AGMO: variants seen among roughly 807,000 people sequenced by gnomAD.
AGMO encodes alkylglycerol monooxygenase.
AGMO carries 75 observed loss-of-function variants against 60.2 expected under a neutral mutation model. The ratio of observed to expected loss-of-function variants is 1.25; its 90% confidence interval spans 1.03 to 1.51. AGMO has a LOEUF of 1.51. Among genes scored for constraint, AGMO ranks in the 40% most tolerant of loss-of-function variants. The pLI is 0.00. For missense variants in AGMO, 763 were observed against 525.5 expected (o/e 1.45, Z -4.42); for synonymous variants, 261 against 177.1 (o/e 1.47, Z -3.76).
In AGMO at chr7:15,357,954, A is replaced by C. The variant is rs573286666; in HGVS notation, c.1263+7560T>G. On this transcript the variant is annotated intron_variant, in intron 12 of 12. Transcript: ENST00000342526. Reference sequence around the variant, plus strand: ...CCAAATAAACACATATATACATACCAAAGAAAAGAAAGGAAGAGAAAAAAA... The same window carrying C: ...CCAAATAAACACATATATACATACCCAAGAAAAGAAAGGAAGAGAAAAAAA... Among the ~76,000 whole-genome samples, 8 of 152,336 alleles carry C rather than the reference A, an allele frequency of 5.3e-5. No homozygotes were observed. In the South Asian group the frequency reaches 1.7e-3, roughly 32 times the overall value.
chr7:15,322,111 G>C (rs757550500), intron 12 of AGMO, among the ~76,000 whole-genome samples: 1 of 151,732 alleles, frequency 6.6e-6, no homozygotes, highest in Non-Finnish European at 1.5e-5. Context: ...TTCAAGTTCA[G>C]CCTGGGCAAC....
At chr7:15,329,901 G>A (rs1467793447) in intron 12 of AGMO, among the ~76,000 whole-genome samples, 1 of 152,122 alleles carries the variant, frequency 6.6e-6, no homozygotes, top group Non-Finnish European at 1.5e-5. Context: ...GGTCTCTAAA[G>A]TTAACAGAGT....
At chr7:15,499,692 C>G (rs144429267) in intron 3 of AGMO, among the ~76,000 whole-genome samples, 270 of 151,630 alleles carry the variant, frequency 1.8e-3, no homozygotes, top group African/African-American at 6.2e-3. Flanking sequence ...GATATATGCA[C>G]GAGGCTATTT....
chr7:15,533,317 T>C (rs559355997), intron 3 of AGMO, among the ~76,000 whole-genome samples: 7 of 152,148 alleles, frequency 4.6e-5, no homozygotes, highest in Non-Finnish European at 8.8e-5. Flanking sequence ...GCATTTTCAT[T>C]TGCCATTTTT....
At chr7:15,271,953 T>C (rs1783623551) in intron 12 of AGMO, among the ~76,000 whole-genome samples, 1 of 152,194 alleles carries the variant, frequency 6.6e-6, no homozygotes. Flanking sequence ...ATTGAGTTTA[T>C]GCAGTGGGTC....
chr7:15,342,200 C>T (rs934489987), intron 12 of AGMO, among the ~76,000 whole-genome samples: 2 of 67,146 alleles, frequency 3.0e-5, no homozygotes, highest in Non-Finnish European at 5.7e-5. Context: ...AAAAAAAGGA[C>T]TAAGTCCTGA....
chr7:15,165,762 A>T, the AGMO span, among the ~76,000 whole-genome samples: 2 of 152,156 alleles, frequency 1.3e-5, no homozygotes, highest in Admixed American at 6.5e-5. Context: ...ACATTGTAAA[A>T]CTACCCAAGG....
At chr7:15,318,666 C>T (rs1781014845) in intron 12 of AGMO, among the ~76,000 whole-genome samples, 1 of 152,040 alleles carries the variant, frequency 6.6e-6, no homozygotes, top group South Asian at 2.1e-4. Context: ...CTGTAGGATC[C>T]ATTTATGAGG....
At chr7:15,251,515 CA>C (rs1782938053) in intron 12 of AGMO, among the ~76,000 whole-genome samples, 1 of 152,186 alleles carries the variant, frequency 6.6e-6, no homozygotes, top group Non-Finnish European at 1.5e-5. Context: ...CCACTGGAAA[CA>C]AAACTGTCAG....
intron 12 of AGMO, among the ~76,000 whole-genome samples, chr7:15,333,038 T>TA (rs1781545437): frequency 6.6e-6 from 1 of 152,170 alleles, no homozygotes; most frequent in Non-Finnish European, 1.5e-5. Context: ...GAAAAGCATA[T>TA]AGTCCAAGCT....
chr7:15,500,542 A>G (rs1318552735), intron 3 of AGMO, among the ~76,000 whole-genome samples: 1 of 151,880 alleles, frequency 6.6e-6, no homozygotes, highest in South Asian at 2.1e-4. Flanking sequence ...GCTTATAGAA[A>G]AGTTTCTAGA....
chr7:15,388,030 C>A (rs984131600), intron 8 of AGMO, among the ~76,000 whole-genome samples: 1 of 151,740 alleles, frequency 6.6e-6, no homozygotes, highest in Non-Finnish European at 1.5e-5. Context: ...GCCTCAGCCT[C>A]CTGAGTAGCT....
chr7:15,165,904 T>C, the AGMO span, among the ~76,000 whole-genome samples: 30 of 152,166 alleles, frequency 2.0e-4, no homozygotes, highest in Non-Finnish European at 4.4e-5. Flanking sequence ...TATTGTGTAC[T>C]CATACAAGAT....
intron 3 of AGMO, among the ~76,000 whole-genome samples, chr7:15,528,169 T>C (rs1784173857): frequency 6.6e-6 from 1 of 152,298 alleles, no homozygotes; most frequent in Admixed American, 6.5e-5. Flanking sequence ...ATATGATTTA[T>C]TGAAGGCCCT....
Position 15,468,418 on chromosome 7 carries a change from A to T in AGMO, c.410-37310T>A, listed in dbSNP as rs76829359. ...ATTGTCTATGTTATCTAATAATTTC[A>T]CTGTAAAGAAAATGCATAGTCATAT... On this transcript the variant is annotated intron_variant, in intron 3 of 12. Coordinates refer to ENST00000342526, the MANE Select transcript of AGMO (RefSeq NM_001004320.2). 7.5e-3 allele frequency among the ~76,000 whole-genome samples: 1,138 copies of T among 152,266 alleles called. 18 individuals are homozygous for T. The highest frequency in any genetic ancestry group is 0.026 in the African/African-American group (1,076 of 41,552).
chr7:15,482,390 T>C (rs1316682403), intron 3 of AGMO, among the ~76,000 whole-genome samples: 1 of 152,140 alleles, frequency 6.6e-6, no homozygotes, highest in African/African-American at 2.4e-5. Flanking sequence ...CATGACAATA[T>C]ATTTGAAAAC....
At chr7:15,389,631 T>C in intron 8 of AGMO, among the ~76,000 whole-genome samples, 1 of 152,178 alleles carries the variant, frequency 6.6e-6, no homozygotes. Flanking sequence ...GGCAGCACTG[T>C]GTATCAGTTA....
the AGMO span, among the ~76,000 whole-genome samples, chr7:15,119,795 T>C: frequency 3.9e-5 from 6 of 152,254 alleles, no homozygotes; most frequent in African/African-American, 1.4e-4. Context: ...AGCTAATTAT[T>C]TTATATCTTA....
At chr7:15,263,065 A>G (rs1783323164) in intron 12 of AGMO, among the ~76,000 whole-genome samples, 1 of 152,112 alleles carries the variant, frequency 6.6e-6, no homozygotes, top group African/African-American at 2.4e-5. Context: ...CAACAAAAAC[A>G]AAGATAAATA....
Sources: allele counts gnomAD v4.1 joint callset (sites outside exome capture counted in the v4.1 genomes callset), GRCh38; gene constraint gnomAD v4.1.1; transcripts MANE v1.5; gene names NCBI Gene and HGNC (gene_info 2026-07-23, HGNC 2026-07-21).